Variants in OTOGL observed in about 807,000 individuals in gnomAD.
OTOGL encodes otogelin like.
In OTOGL, 285 loss-of-function variants were observed where a neutral mutation model predicts 318.5. The ratio of observed to expected loss-of-function variants is 0.89; its 90% CI spans 0.81 to 0.99. OTOGL has a LOEUF of 0.99. Among genes scored for constraint, OTOGL ranks in the 50% least tolerant of loss-of-function variants. The pLI, the probability that OTOGL is intolerant of heterozygous loss-of-function variation, is 0.00. For synonymous variants in OTOGL, 987 were observed against 936.5 expected, an observed-to-expected ratio of 1.05 and a Z score of -0.99; for missense variants, 2,899 against 2,845.6, an observed-to-expected ratio of 1.02 and a Z score of -0.43.
In OTOGL at chr12:80,367,732, G is replaced by A. The variant is rs772545127; in HGVS notation, c.6503G>A (p.Cys2168Tyr). Residue 2168 changes from cysteine (C) to tyrosine (Y), a missense_variant, in exon 54 of 59, where the codon TGT becomes TAT. Around this residue, in one of 3 missense-constraint regions of OTOGL, gnomAD observed 289 missense variants for 304.6 expected, o/e 0.95. Coordinates refer to ENST00000547103, the MANE Select transcript of OTOGL (RefSeq NM_001378609.3). ...NFTLVNCSKK[C>Y]DVHQVYTPSP... ...ACACTGGTGAATTGTTCAAAAAAAT[G>A]TGATGTTGTAAGTATTCCTTGTAAT... is the stretch of plus-strand genomic sequence containing the variant. The A allele has an allele frequency of 2.1e-6, 3 of 1,406,660 alleles. No homozygotes were observed. The highest frequency in any genetic ancestry group is 3.3e-5 in the South Asian group (2 of 60,534). The allele number at this position is 1,406,660 out of a possible 1,614,324, so 87.1% of individuals were successfully genotyped here.
intron 26 of OTOGL, among the ~76,000 whole-genome samples, chr12:80,288,471 G>C (rs1884796625): frequency 6.6e-6 from 1 of 152,038 alleles, no homozygotes; most frequent in South Asian, 2.1e-4. Context: ...AAGTTCTCCT[G>C]GATAATATCC....
Position 80,113,029 on chromosome 12 carries a change from A to G in OTOGL, c.-20+13424A>G, listed in dbSNP as rs555486281. Among the ~76,000 whole-genome samples, 35 of 152,254 alleles carry G rather than the reference A, an allele frequency of 2.3e-4. No homozygotes were observed. The South Asian group carries it at 7.3e-3, about 32-fold the overall frequency. On this transcript the variant is annotated intron_variant, in intron 1 of 58. Coordinates refer to ENST00000547103, the MANE Select transcript of OTOGL (RefSeq NM_001378609.3). ...TTTATCCACTTCTTGTAGATTTTCC[A>G]GTTTATTTGTGTAGAGGTGTCTATA...
chr12:80,349,519 T>C (rs1207285615), intron 44 of OTOGL, among the ~76,000 whole-genome samples: 1 of 151,880 alleles, frequency 6.6e-6, no homozygotes, highest in East Asian at 1.9e-4. Flanking sequence ...GAAGAAACAA[T>C]GACCAAGTAG....
chr12:80,375,334 C>T (rs1163035359), intron 57 of OTOGL, among the ~76,000 whole-genome samples: 1 of 152,102 alleles, frequency 6.6e-6, no homozygotes, highest in African/African-American at 2.4e-5. Flanking sequence ...TGAATTAACT[C>T]GTTGGGTTTT....
intron 1 of OTOGL, among the ~76,000 whole-genome samples, chr12:80,102,198 G>A (rs142508966): frequency 1.3e-5 from 2 of 152,248 alleles, no homozygotes; most frequent in African/African-American, 4.8e-5. Context: ...GTAAACTAGG[G>A]AATGTATAGA....
At chr12:80,222,539 G>T (rs1878451404) in intron 7 of OTOGL, among the ~76,000 whole-genome samples, 1 of 152,170 alleles carries the variant, frequency 6.6e-6, no homozygotes, top group African/African-American at 2.4e-5. Context: ...GCTATCGGAT[G>T]TGAAGACTGA....
chr12:80,308,100 C>G lies in OTOGL; in HGVS notation c.3333+2405C>G, dbSNP rs1431218125. On this transcript the variant is annotated intron_variant, in intron 29 of 58. Coordinates refer to ENST00000547103, the MANE Select transcript of OTOGL (RefSeq NM_001378609.3). ...GGCGGCTGGCCGGGTGGGGGGCTGA[C>G]CCCCCCACCTCCCTCCCGGACGGGG... 3.5e-5 allele frequency among the ~76,000 whole-genome samples: 5 copies of G among 141,914 alleles called. No individual in the cohort carries two copies. The East Asian group carries it at 1.1e-3, about 32-fold the overall frequency. The allele number at this position is 141,914 out of a possible 152,430, so 93.1% of individuals were successfully genotyped here. A position where few individuals can be genotyped will look rare whatever the true frequency, so the allele number is the denominator to read the frequency against.
intron 37 of OTOGL, among the ~76,000 whole-genome samples, chr12:80,331,413 T>C (rs1888060126): frequency 7.1e-6 from 1 of 140,802 alleles, no homozygotes; most frequent in Non-Finnish European, 1.5e-5. Context: ...TGATCTTGGC[T>C]CACTGCAACC....
At position 80,130,173 on chromosome 12, in the gene OTOGL, A is replaced by G. The variant is rs527391255; in HGVS notation, c.-20+30568A>G. On this transcript the variant is annotated intron_variant, in intron 1 of 58. Coordinates refer to ENST00000547103, the MANE Select transcript of OTOGL (RefSeq NM_001378609.3). ...CTACTGCCAATTTTTTCCCCAAAAC[A>G]ATTTTTATTGAACAAGTCATTCCAT... Among the ~76,000 whole-genome samples the G allele has an allele frequency of 2.0e-4, 31 of 152,274 alleles. No individual in the cohort carries two copies. In the South Asian group the frequency reaches 6.2e-3, roughly 30 times the overall value.
Position 80,320,406 on chromosome 12 carries a change from G to T in OTOGL, c.3803-16G>T. Reference sequence around the variant, plus strand: ...CTTCCTTCTCCTGAGAATCCACACTGCTCTATATTTTACAGCATTAGCACT... The same window carrying T: ...CTTCCTTCTCCTGAGAATCCACACTTCTCTATATTTTACAGCATTAGCACT... On this transcript the variant is annotated splice_polypyrimidine_tract_variant and intron_variant, in intron 33 of 58. Coordinates refer to ENST00000547103, the MANE Select transcript of OTOGL (RefSeq NM_001378609.3). 1 of 1,600,920 alleles carries T rather than the reference G, an allele frequency of 6.2e-7. No homozygotes were observed. The highest frequency in any genetic ancestry group is 8.5e-7 in the Non-Finnish European group (1 of 1,172,432).
chr12:80,308,295 C>T (rs1378848808), intron 29 of OTOGL, among the ~76,000 whole-genome samples: 17 of 149,634 alleles, frequency 1.1e-4, no homozygotes, highest in South Asian at 2.1e-4. Context: ...TCAGACCGGG[C>T]GGTTGCCAGG....
At chr12:80,315,422 A>T (rs1305382026) in intron 32 of OTOGL, among the ~76,000 whole-genome samples, 1 of 152,204 alleles carries the variant, frequency 6.6e-6, no homozygotes, top group Non-Finnish European at 1.5e-5. Context: ...GTAAGAAGAG[A>T]CAGAGAATTA....
intron 44 of OTOGL, among the ~76,000 whole-genome samples, chr12:80,342,565 G>A (rs962012087): frequency 3.3e-5 from 5 of 152,004 alleles, no homozygotes; most frequent in African/African-American, 1.2e-4. Context: ...CAATTTACTT[G>A]GTCTTTATTA....
intron 1 of OTOGL, among the ~76,000 whole-genome samples, chr12:80,100,229 A>C (rs1158435829): frequency 6.6e-6 from 1 of 152,156 alleles, no homozygotes; most frequent in Non-Finnish European, 1.5e-5. Flanking sequence ...TTTAAAGTGT[A>C]GTTTATTCCA....
chr12:80,375,779 C>A (rs1382330715), intron 57 of OTOGL, among the ~76,000 whole-genome samples: 3 of 152,024 alleles, frequency 2.0e-5, no homozygotes, highest in African/African-American at 2.4e-5. Context: ...ATTCTTTATT[C>A]TTGAACTTAC....
chr12:80,346,948 T>G (rs554351855), intron 44 of OTOGL, among the ~76,000 whole-genome samples: 7 of 152,316 alleles, frequency 4.6e-5, no homozygotes, highest in Non-Finnish European at 7.4e-5. Context: ...ACTCAATCTG[T>G]TCCATCCAAG....
chr12:80,116,051 G>T (rs1420330343), intron 1 of OTOGL, among the ~76,000 whole-genome samples: 1 of 152,174 alleles, frequency 6.6e-6, no homozygotes, highest in Admixed American at 6.5e-5. Context: ...CTTTCCAGGG[G>T]AGTGAATGGT....
At chr12:80,257,154 A>C (rs1882124644) in intron 17 of OTOGL, among the ~76,000 whole-genome samples, 1 of 152,134 alleles carries the variant, frequency 6.6e-6, no homozygotes, top group African/African-American at 2.4e-5. Context: ...TACAAATCAC[A>C]TGCTCACGCT....
At chr12:80,313,973 A>T (rs967701918) in intron 31 of OTOGL, among the ~76,000 whole-genome samples, 3 of 152,130 alleles carry the variant, frequency 2.0e-5, no homozygotes, top group Non-Finnish European at 4.4e-5. Context: ...TTTTAAAAAA[A>T]TCACCTTGAA....
Sources: gnomAD v4.1 joint callset for allele counts (sites outside exome capture counted in the v4.1 genomes callset) on GRCh38, gnomAD v4.1.1 for gene constraint, gnomAD v4.1.1 regional missense constraint, MANE v1.5 for transcripts, NCBI Gene and HGNC (gene_info 2026-07-23, HGNC 2026-07-21) for gene names.